KCNH1: variants seen among roughly 807,000 people sequenced by gnomAD.
KCNH1 encodes the protein voltage-gated delayed rectifier potassium channel KCNH1.
KCNH1 carries 27 observed loss-of-function variants against 69.2 expected under a neutral mutation model. The ratio of observed to expected loss-of-function variants is 0.39; its 90% CI spans 0.29 to 0.54. The LOEUF (loss-of-function observed/expected upper bound fraction) is 0.54, where lower values mean the gene tolerates loss of function less well. KCNH1 is among the 20% of genes least tolerant of loss of function. KCNH1 has a pLI of 0.68. For missense variants in KCNH1, 798 were observed against 1,261.6 expected, an observed-to-expected ratio of 0.63 and a Z score of 5.57; for synonymous variants, 456 against 487.7, an observed-to-expected ratio of 0.93 and a Z score of 0.86.
intron 7 of KCNH1, among the ~76,000 whole-genome samples, chr1:210,883,600 T>G (rs1486971144): frequency 6.6e-6 from 1 of 152,248 alleles, no homozygotes; most frequent in Non-Finnish European, 1.5e-5. Context: ...TTAATCTCTT[T>G]GCATCCCAGC....
chr1:210,765,207 C>CT (rs1366670837), intron 10 of KCNH1, among the ~76,000 whole-genome samples: 2 of 151,118 alleles, frequency 1.3e-5, no homozygotes, highest in Non-Finnish European at 2.9e-5. Context: ...GATTCCAAAA[C>CT]TGGGGGTGGG....
At chr1:211,016,973 T>C (rs1043606111) in intron 6 of KCNH1, among the ~76,000 whole-genome samples, 5 of 151,698 alleles carry the variant, frequency 3.3e-5, no homozygotes, top group Non-Finnish European at 7.4e-5. Context: ...ACGTTCATAT[T>C]AGGTATGATT....
intron 7 of KCNH1, among the ~76,000 whole-genome samples, chr1:210,857,696 A>T (rs1177534537): frequency 6.6e-6 from 1 of 152,208 alleles, no homozygotes; most frequent in Admixed American, 6.5e-5. Flanking sequence ...ATCCATTAAG[A>T]TGTTGCTTTC....
Position 210,679,414 on chromosome 1 carries a change from T to C in KCNH1, c.*3867A>G, listed in dbSNP as rs1681212594. 6.6e-6 allele frequency: 1 copy of C among 152,166 alleles called. No homozygotes were observed. Among genetic ancestry groups the C allele is most frequent in the Admixed American group, 6.5e-5 (1 of 15,276 alleles). The allele number at this position is 152,166 out of a possible 1,614,324, so 9.4% of individuals were successfully genotyped here. On this transcript the variant is annotated 3_prime_UTR_variant, in exon 11 of 11. Transcript: ENST00000271751. ...TGCAAGACATAGTAAAACCTATTAA[T>C]CAAATGCACATCAGCAACGTGTATC... is the stretch of plus-strand genomic sequence containing the variant.
intron 6 of KCNH1, among the ~76,000 whole-genome samples, chr1:210,938,388 G>C (rs1687815506): frequency 6.6e-6 from 1 of 152,114 alleles, no homozygotes; most frequent in Admixed American, 6.5e-5. Flanking sequence ...TGCTGTATAT[G>C]CTCTTTTGAA....
rs776031337 is a variant in KCNH1 at position 211,019,101 on chromosome 1, A to G, written c.714T>C (p.Asn238=). ...TATTCTGCCTGGTTTTGAAGGAGACATTATAAGGGACCAAGATGGCTGTAT... is the reference window on the plus strand; with the variant it reads ...TATTCTGCCTGGTTTTGAAGGAGACGTTATAAGGGACCAAGATGGCTGTAT... The part of the protein sequence containing the change: ...TFYTAILVPY[N]VSFKTRQNNV... Residue 238 remains asparagine, a synonymous_variant, in exon 6 of 11, where the codon AAT becomes AAC. Transcript: ENST00000271751. The G allele has an allele frequency of 3.1e-6, 5 of 1,614,066 alleles. No homozygotes were observed. The South Asian group carries it at 4.4e-5, about 14-fold the overall frequency.
At chr1:210,978,365 T>C (rs185675685) in intron 6 of KCNH1, among the ~76,000 whole-genome samples, 111 of 152,272 alleles carry the variant, frequency 7.3e-4, no homozygotes, top group African/African-American at 2.5e-3. Context: ...TATAGTTGCA[T>C]GTAGTTTCTT....
intron 7 of KCNH1, chr1:210,861,094 C>T (rs1032117214): frequency 1.8e-5 from 16 of 892,342 alleles, no homozygotes; most frequent in African/African-American, 4.9e-5. Flanking sequence ...TAAACAAAAG[C>T]TTCTGGGCAG....
chr1:210,867,969 C>T (rs1010117914), intron 7 of KCNH1, among the ~76,000 whole-genome samples: 11 of 151,978 alleles, frequency 7.2e-5, no homozygotes, highest in Non-Finnish European at 8.8e-5. Context: ...ATTATGAACA[C>T]TGATATACAA....
chr1:210,736,315 G>A (rs1244722333), intron 10 of KCNH1, among the ~76,000 whole-genome samples: 1 of 152,148 alleles, frequency 6.6e-6, no homozygotes, highest in African/African-American at 2.4e-5. Flanking sequence ...TTGGGAGGCC[G>A]AGACAGGTGG....
chr1:211,099,322 T>C (rs1160917072), intron 3 of KCNH1, among the ~76,000 whole-genome samples: 1 of 152,154 alleles, frequency 6.6e-6, no homozygotes, highest in African/African-American at 2.4e-5. Context: ...TTTCTTTATA[T>C]TTTTTGCATG....
chr1:210,856,877 C>CTATATATATATATATATATATA lies in KCNH1; in HGVS notation c.1463-52733_1463-52712dup, dbSNP rs150446990. Among the ~76,000 whole-genome samples, 249 of 101,638 alleles carry CTATATATATATATATATATATA rather than the reference C, an allele frequency of 2.4e-3. 2 individuals are homozygous for CTATATATATATATATATATATA. Among genetic ancestry groups the CTATATATATATATATATATATA allele is most frequent in the African/African-American group, 6.3e-3 (179 of 28,210 alleles). The allele number at this position is 101,638 out of a possible 152,430, so 66.7% of individuals were successfully genotyped here. A position where few individuals can be genotyped will look rare whatever the true frequency, so the allele number is the denominator to read the frequency against. ...TAACCCACTATATATATATAACCCA[C>CTATATATATATATATATATATA]TATATATATATATATATATATAAAA... On this transcript the variant is annotated intron_variant, in intron 7 of 10. Coordinates refer to ENST00000271751, the MANE Select transcript of KCNH1 (RefSeq NM_172362.3).
intron 4 of KCNH1, among the ~76,000 whole-genome samples, chr1:211,089,429 T>C (rs558747763): frequency 1.3e-5 from 2 of 152,358 alleles, no homozygotes; most frequent in South Asian, 4.1e-4. Flanking sequence ...AATTGATTTA[T>C]TGAGCTATCA....
chr1:210,998,662 C>G (rs7414286), intron 6 of KCNH1, among the ~76,000 whole-genome samples: 50,170 of 152,024 alleles, frequency 0.33, 8,693 homozygotes, highest in Non-Finnish European at 0.38. Context: ...CCAAGCAGAC[C>G]TAATAGACAT....
At chr1:210,691,927 T>C (rs1374592440) in intron 10 of KCNH1, among the ~76,000 whole-genome samples, 1 of 152,252 alleles carries the variant, frequency 6.6e-6, no homozygotes, top group African/African-American at 2.4e-5. Flanking sequence ...AGTTACCCTG[T>C]TGGCCACTTG....
chr1:210,828,954 A>C (rs1283485395), intron 7 of KCNH1, among the ~76,000 whole-genome samples: 1 of 152,242 alleles, frequency 6.6e-6, no homozygotes, highest in African/African-American at 2.4e-5. Context: ...CTTCCAGGCT[A>C]ACAGATTAGA....
chr1:210,779,315 C>T (rs149779966), intron 9 of KCNH1, among the ~76,000 whole-genome samples: 6 of 152,198 alleles, frequency 3.9e-5, no homozygotes, highest in East Asian at 3.9e-4. Flanking sequence ...GATTTAAGAA[C>T]GTAATATCAG....
At chr1:210,865,399 T>C (rs561451065) in intron 7 of KCNH1, among the ~76,000 whole-genome samples, 4 of 152,278 alleles carry the variant, frequency 2.6e-5, no homozygotes, top group African/African-American at 7.2e-5. Context: ...CAAAGCAGTA[T>C]CAAATCCAGA....
At position 211,123,237 on chromosome 1, in the gene KCNH1, C is replaced by T. The variant is rs534495229; in HGVS notation, c.79+10630G>A. Reference sequence around the variant, plus strand: ...ACAGAAAACTAGGCCTGGAGTGGACCGCTGGCCAAACAACCAATAGTCAGG... The same window carrying T: ...ACAGAAAACTAGGCCTGGAGTGGACTGCTGGCCAAACAACCAATAGTCAGG... On this transcript the variant is annotated intron_variant, in intron 1 of 10. Transcript: ENST00000271751. 3.3e-5 allele frequency among the ~76,000 whole-genome samples: 5 copies of T among 152,268 alleles called. No individual in the cohort carries two copies. In the South Asian group the frequency reaches 8.3e-4, roughly 25 times the overall value.
Sources: allele counts gnomAD v4.1 joint callset (sites outside exome capture counted in the v4.1 genomes callset), GRCh38; gene constraint gnomAD v4.1.1; transcripts MANE v1.5; gene names NCBI Gene and HGNC (gene_info 2026-07-23, HGNC 2026-07-21).